USP54: variants seen among roughly 807,000 people sequenced by gnomAD.
USP54 encodes the protein ubiquitin carboxyl-terminal hydrolase 54.
A neutral mutation model predicts 170.5 loss-of-function variants in USP54; 87 were observed. That is an observed-to-expected ratio of 0.51 (90% CI 0.43 to 0.61). The LOEUF is 0.61. USP54 is among the 20% of genes least tolerant of loss of function. The pLI is 0.00. For synonymous variants in USP54, 655 were observed against 742.8 expected (o/e 0.88, Z 1.92); for missense variants, 1,786 against 2,047.8 (o/e 0.87, Z 2.47).
chr10:73,554,078 T>C (rs1299751640), intron 4 of USP54, among the ~76,000 whole-genome samples: 1 of 152,180 alleles, frequency 6.6e-6, no homozygotes, highest in East Asian at 1.9e-4. Flanking sequence ...TAAAACAGAC[T>C]CTTGTCTTTA....
In USP54 at chr10:73,569,902, C is replaced by CAAAAAAAAAAAAAAAAA. The variant is rs34676499; in HGVS notation, c.240+1502_240+1518dup. Among the ~76,000 whole-genome samples the CAAAAAAAAAAAAAAAAA allele has an allele frequency of 3.2e-4, 6 of 18,698 alleles. 1 individual carries two copies. The highest frequency in any genetic ancestry group is 8.2e-4 in the East Asian group (1 of 1,222). 12.3% of individuals were successfully genotyped at this position (18,698 alleles called of 152,430 possible). On this transcript the variant is annotated intron_variant, in intron 4 of 23. Transcript: ENST00000687698. Reference sequence around the variant, plus strand: ...GGGCAACAGAGCAAGATTTCATCTCCAAAAAAAAAAAAAAAAAAAAAAAAA... The same window carrying CAAAAAAAAAAAAAAAAA: ...GGGCAACAGAGCAAGATTTCATCTCCAAAAAAAAAAAAAAAAAAAAAAAAAAAAAAAAAAAAAAAAAA...
chr10:73,564,401 T>A (rs2073817034), intron 4 of USP54, among the ~76,000 whole-genome samples: 2 of 152,238 alleles, frequency 1.3e-5, no homozygotes, highest in African/African-American at 2.4e-5. Flanking sequence ...ACACCATTTA[T>A]TGAAAAATCC....
chr10:73,579,703 G>A (rs557276843), intron 1 of USP54, among the ~76,000 whole-genome samples: 1 of 152,088 alleles, frequency 6.6e-6, no homozygotes, highest in Non-Finnish European at 1.5e-5. Flanking sequence ...GTTGCAGTAA[G>A]CTGGGATTGC....
chr10:73,523,615 C>G lies in USP54; in HGVS notation c.2330G>C (p.Arg777Pro). The G allele has an allele frequency of 9.3e-6, 15 of 1,609,912 alleles. No homozygotes were observed. The highest frequency in any genetic ancestry group is 1.3e-5 in the African/African-American group (1 of 74,988). ...AAKGFNPHPS[R>P]FMDLDELQNQ... Reference sequence around the variant, plus strand: ...CTGCAGTTCATCCAAGTCCATGAAGCGGCTAGGATGAGGGTTAAACCCTTT... The same window carrying G: ...CTGCAGTTCATCCAAGTCCATGAAGGGGCTAGGATGAGGGTTAAACCCTTT... The change falls in exon 17 of 24, where the codon CGC (arginine) becomes CCC (proline). Residue 777 changes from arginine to proline, a missense_variant. This residue lies in a region of USP54 where 1,418 missense variants were observed against 1,569.0 expected (regional missense o/e 0.90). Coordinates refer to ENST00000687698, the MANE Select transcript of USP54 (RefSeq NM_001391956.1).
intron 20 of USP54, 83 bp downstream of exon 20, chr10:73,516,292 A>G: frequency 7.0e-7 from 1 of 1,431,474 alleles, no homozygotes; most frequent in South Asian, 1.3e-5. Context: ...GTATCTGTAT[A>G]GAACACTCCC....
At chr10:73,590,652 A>G (rs1425983630) in intron 1 of USP54, among the ~76,000 whole-genome samples, 2 of 152,202 alleles carry the variant, frequency 1.3e-5, no homozygotes, top group Non-Finnish European at 2.9e-5. Flanking sequence ...GCCTCAAGGA[A>G]GCAGGTGCTA....
Position 73,523,880 on chromosome 10 carries a change from T to TTA in USP54, c.2195-131_2195-130insTA, listed in dbSNP as rs1200757984. The TTA allele has an allele frequency of 5.0e-5, 8 of 161,004 alleles. No individual in the cohort carries two copies. In the South Asian group the frequency reaches 6.4e-4, roughly 13 times the overall value. 10.0% of individuals were successfully genotyped at this position (161,004 alleles called of 1,614,324 possible). A position where few individuals can be genotyped will look rare whatever the true frequency, so the allele number is the denominator to read the frequency against. On this transcript the variant is annotated intron_variant, in intron 16 of 23. Coordinates refer to ENST00000687698, the MANE Select transcript of USP54 (RefSeq NM_001391956.1). ...CAATTTGGAGTTTATTTATTTATTA[T>TTA]TTATTATTATTATTATTATTATTAT...
At chr10:73,552,772 C>T (rs2069848476) in intron 4 of USP54, among the ~76,000 whole-genome samples, 1 of 152,126 alleles carries the variant, frequency 6.6e-6, no homozygotes, top group African/African-American at 2.4e-5. Context: ...GCCTGGACGA[C>T]AGAGTGAGAC....
At chr10:73,521,090 GT>G in intron 17 of USP54, 63 bp from the exon 18 acceptor site, 1 of 1,602,666 alleles carries the variant, frequency 6.2e-7, no homozygotes, top group Non-Finnish European at 8.5e-7. Flanking sequence ...GTGTACTGTT[GT>G]TTCCCTTCAG....
rs546320758 is a variant in USP54 at position 73,514,733 on chromosome 10, A to G, written c.4051+1642T>C. ...TCTACATTAGGATACGGATCCTCAGAAATGTATCTTAATATCAAGTCTTAG... is the reference window on the plus strand; with the variant it reads ...TCTACATTAGGATACGGATCCTCAGGAATGTATCTTAATATCAAGTCTTAG... On this transcript the variant is annotated intron_variant, in intron 20 of 23. Transcript: ENST00000687698. Among the ~76,000 whole-genome samples, 276 of 151,356 alleles carry G rather than the reference A, an allele frequency of 1.8e-3. 1 individual carries two copies. Among genetic ancestry groups the G allele is most frequent in the African/African-American group, 5.9e-3 (242 of 41,260 alleles).
chr10:73,517,231 G>T lies in USP54; in HGVS notation c.3195C>A (p.Ser1065Arg). The T allele has an allele frequency of 6.2e-7, 1 of 1,614,190 alleles. No individual in the cohort carries two copies. Residue 1065 changes from serine (S) to arginine (R), a missense_variant, in exon 20 of 24, where the codon AGC (serine) becomes AGA (arginine). By Grantham distance (110) the Ser-to-Arg change is moderately radical (BLOSUM62 -1). This residue lies in a region of USP54 where 1,418 missense variants were observed against 1,569.0 expected (regional missense o/e 0.90). Coordinates refer to ENST00000687698, the MANE Select transcript of USP54 (RefSeq NM_001391956.1). ...CSPSNSSAQP[S>R]LPLYRTCHPI... ...GGTGGCAGGTTCTATACAGGGGAAG[G>T]CTGGGCTGAGCTGATGAATTTGAAG...
intron 4 of USP54, among the ~76,000 whole-genome samples, chr10:73,569,928 A>C (rs1445450266): frequency 7.4e-5 from 10 of 135,778 alleles, no homozygotes; most frequent in East Asian, 5.0e-4. Context: ...AAAAAAAAAA[A>C]AAAAAAAAAA....
intron 4 of USP54, among the ~76,000 whole-genome samples, chr10:73,568,741 A>G (rs1253940744): frequency 6.6e-6 from 1 of 152,190 alleles, no homozygotes; most frequent in African/African-American, 2.4e-5. Flanking sequence ...GACCCAAAAT[A>G]TAGCCTTTGA....
chr10:73,588,647 G>A (rs947182517), intron 1 of USP54, among the ~76,000 whole-genome samples: 2 of 152,172 alleles, frequency 1.3e-5, no homozygotes, highest in African/African-American at 4.8e-5. Context: ...GCAAACTGAT[G>A]AATCACAATT....
At chr10:73,617,048 A>C (rs1365672188) in intron 1 of USP54, among the ~76,000 whole-genome samples, 1 of 150,678 alleles carries the variant, frequency 6.6e-6, no homozygotes, top group African/African-American at 2.5e-5. Context: ...CTGTAATCCC[A>C]GCACTTTGGG....
intron 6 of USP54, 62 bp downstream of exon 6, chr10:73,542,956 C>A: frequency 2.5e-6 from 4 of 1,609,020 alleles, no homozygotes; most frequent in African/African-American, 1.3e-5. Context: ...ATTTAACACC[C>A]CACATCCCAG....
intron 17 of USP54, 133 bp from the exon 18 acceptor site, chr10:73,521,160 T>A: frequency 8.2e-7 from 1 of 1,224,782 alleles, no homozygotes; most frequent in Non-Finnish European, 1.1e-6. Flanking sequence ...TGTCTATTCC[T>A]ATTAAGAATT....
rs144325216 is a variant in USP54, at chr10:73,621,411, C to T, written c.-18+4156G>A. Among the ~76,000 whole-genome samples, 37 of 141,496 alleles carry T rather than the reference C, an allele frequency of 2.6e-4. No individual in the cohort carries two copies. In the East Asian group the frequency reaches 6.6e-3, roughly 25 times the overall value. 92.8% of individuals were successfully genotyped at this position (141,496 alleles called of 152,430 possible). ...GGTCAGGAGATCAAGACCATCCTGG[C>T]TAATATAATGAAACCCTGTCTCTAC... On this transcript the variant is annotated intron_variant, in intron 1 of 22. Transcript: ENST00000339859.
At chr10:73,532,247 A>G (rs1427048090) in intron 12 of USP54, among the ~76,000 whole-genome samples, 1 of 151,620 alleles carries the variant, frequency 6.6e-6, no homozygotes, top group African/African-American at 2.4e-5. Flanking sequence ...ATCTCAACTC[A>G]CTGCAAGCTC....
Sources: gnomAD v4.1 joint callset for allele counts (sites outside exome capture counted in the v4.1 genomes callset) on GRCh38, gnomAD v4.1.1 for gene constraint, gnomAD v4.1.1 regional missense constraint, MANE v1.5 for transcripts, NCBI Gene and HGNC (gene_info 2026-07-23, HGNC 2026-07-21) for gene names.